KDM3A: variants seen among roughly 807,000 people sequenced by gnomAD.
KDM3A encodes lysine demethylase 3A.
In KDM3A, 60 loss-of-function variants were observed where a neutral mutation model predicts 158.0. The ratio of observed to expected loss-of-function variants is 0.38; its 90% confidence interval spans 0.31 to 0.47. KDM3A has a LOEUF of 0.47. KDM3A is among the 20% of genes least tolerant of loss of function. KDM3A has a pLI of 0.99. For missense variants in KDM3A, 1,319 were observed against 1,574.3 expected, an observed-to-expected ratio of 0.84 and a Z score of 2.74; for synonymous variants, 608 against 549.3, an observed-to-expected ratio of 1.11 and a Z score of -1.49.
chr2:86,442,035 A>T lies in KDM3A; in HGVS notation c.-13A>T. 1 of 1,609,264 alleles carries T rather than the reference A, an allele frequency of 6.2e-7. No individual in the cohort carries two copies. The highest frequency in any genetic ancestry group is 8.5e-7 in the Non-Finnish European group (1 of 1,177,358). On this transcript the variant is annotated 5_prime_UTR_variant, in exon 2 of 26. Transcript: ENST00000312912. ...TTTTGCAGGGAGGAGCTCTTCCTGC[A>T]GGCGTGGAAACCATGGTGCTCACGC...
upstream of KDM3A, chr2:86,441,281 G>C (rs1464138756): frequency 3.3e-5 from 5 of 152,228 alleles, no homozygotes; most frequent in African/African-American, 1.2e-4. Flanking sequence ...GCCTCGCCCA[G>C]CTCCTGTGTT....
chr2:86,444,672 G>A (rs915422938), intron 2 of KDM3A, among the ~76,000 whole-genome samples: 7 of 151,474 alleles, frequency 4.6e-5, no homozygotes, highest in African/African-American at 1.5e-4. Flanking sequence ...GGGGTGGGGC[G>A]AGGGGCTGAG....
rs1407206586 is a variant in KDM3A, at chr2:86,456,880, A to G, written c.754+3A>G. The G allele has an allele frequency of 2.5e-6, 4 of 1,605,708 alleles. No homozygotes were observed. The highest frequency in any genetic ancestry group is 1.6e-4 in the Middle Eastern group (1 of 6,066). On this transcript the variant is annotated splice_donor_region_variant and intron_variant, in intron 7 of 25. Coordinates refer to ENST00000312912, the MANE Select transcript of KDM3A (RefSeq NM_018433.6). ...ACACGATAACCTTGTGACATGTGGTAAGATATGTTATTAAAATCTTTCTTC... is the reference window on the plus strand; with the variant it reads ...ACACGATAACCTTGTGACATGTGGTGAGATATGTTATTAAAATCTTTCTTC...
At position 86,492,151 on chromosome 2, in the gene KDM3A, A is replaced by AGCT. The variant is rs1357554703; in HGVS notation, c.*34_*36dup. The AGCT allele has an allele frequency of 6.6e-7, 1 of 1,512,510 alleles. No individual in the cohort carries two copies. Among genetic ancestry groups the AGCT allele is most frequent in the African/African-American group, 1.4e-5 (1 of 72,908 alleles). The allele number at this position is 1,512,510 out of a possible 1,614,324, so 93.7% of individuals were successfully genotyped here. Reference sequence around the variant, plus strand: ...TGCACATTGGAAATGAATTACAGGCAGCTGTTCAAACTCTTCAGGCAGGAT... The same window carrying AGCT: ...TGCACATTGGAAATGAATTACAGGCAGCTGCTGTTCAAACTCTTCAGGCAGGAT... On this transcript the variant is annotated 3_prime_UTR_variant, in exon 26 of 26. Coordinates refer to ENST00000312912, the MANE Select transcript of KDM3A (RefSeq NM_018433.6).
chr2:86,441,805 G>A (rs1187943771), intron 1 of KDM3A, among the ~76,000 whole-genome samples: 1 of 150,398 alleles, frequency 6.6e-6, no homozygotes, highest in African/African-American at 2.4e-5. Context: ...AGCCAAACTT[G>A]GGAGAGCGAG....
At chr2:86,443,757 C>T (rs1682840736) in intron 2 of KDM3A, among the ~76,000 whole-genome samples, 1 of 152,172 alleles carries the variant, frequency 6.6e-6, no homozygotes, top group Non-Finnish European at 1.5e-5. Context: ...TTTTTTCCTG[C>T]ATTCGGCTCA....
At chr2:86,451,981 T>C (rs1341907761) in intron 4 of KDM3A, among the ~76,000 whole-genome samples, 1 of 152,256 alleles carries the variant, frequency 6.6e-6, no homozygotes, top group Non-Finnish European at 1.5e-5. Flanking sequence ...TTTGTGAATT[T>C]ACCTATTTGC....
At chr2:86,447,994 A>G (rs1266107821) in intron 2 of KDM3A, among the ~76,000 whole-genome samples, 1 of 152,244 alleles carries the variant, frequency 6.6e-6, no homozygotes, top group African/African-American at 2.4e-5. Flanking sequence ...GGAAACAGAA[A>G]GGAAGATGGG....
chr2:86,438,671 A>G (rs1682531998), upstream of KDM3A, among the ~76,000 whole-genome samples: 1 of 152,086 alleles, frequency 6.6e-6, no homozygotes, highest in Admixed American at 6.5e-5. Flanking sequence ...GTGTATTTAT[A>G]AAAAATTAGA....
intron 11 of KDM3A, 34 bp from the exon 12 acceptor site, chr2:86,474,742 T>TGTAAA: frequency 3.7e-6 from 4 of 1,083,116 alleles, no homozygotes; most frequent in Non-Finnish European, 5.7e-6. Context: ...TGTGTGTGTG[T>TGTAAA]ACATTACATC....
At chr2:86,488,705 T>G (rs1033030166) in intron 21 of KDM3A, 1 of 152,686 alleles carries the variant, frequency 6.5e-6, no homozygotes, top group Non-Finnish European at 1.5e-5. Flanking sequence ...AGAGTCCTGG[T>G]GTTACAATGG....
rs776006202 is a variant in KDM3A at position 86,442,189 on chromosome 2, A to G, written c.142A>G (p.Ile48Val). ...CGAGTGGCCCTGGCTCTCCGGGACC[A>G]TTCGAGCTGTTTCCCACACCGACGT... is the stretch of plus-strand genomic sequence containing the variant. The part of the protein sequence containing the change: ...VAEWPWLSGT[I>V]RAVSHTDVTK... Residue 48 changes from isoleucine to valine, a missense_variant, in exon 2 of 26, where the codon ATT becomes GTT. Around this residue, in one of 4 missense-constraint regions of KDM3A, gnomAD observed 652 missense variants for 627.2 expected, o/e 1.04. Transcript: ENST00000312912. 25 of 1,613,376 alleles carry G rather than the reference A, an allele frequency of 1.5e-5. No homozygotes were observed. The highest frequency in any genetic ancestry group is 1.9e-5 in the Non-Finnish European group (22 of 1,179,634).
At chr2:86,438,632 A>T (rs911452016), upstream of KDM3A, among the ~76,000 whole-genome samples, 2 of 152,088 alleles carry the variant, frequency 1.3e-5, no homozygotes, top group African/African-American at 2.4e-5. Flanking sequence ...AATTAAAAAT[A>T]AGGTGATAAA....
chr2:86,456,577 C>T lies in KDM3A; in HGVS notation c.681+11C>T, dbSNP rs758334478. ...GTCAACTGTGAGGAGGTAAAGACAA[C>T]AATAACTCTTTGTAAGATAACTCGA... On this transcript the variant is annotated intron_variant, in intron 6 of 25. Transcript: ENST00000312912. 1 of 1,599,482 alleles carries T rather than the reference C, an allele frequency of 6.3e-7. No individual in the cohort carries two copies. The highest frequency in any genetic ancestry group is 2.2e-5 in the East Asian group (1 of 44,724).
At chr2:86,474,536 G>A (rs1020116263) in intron 11 of KDM3A, among the ~76,000 whole-genome samples, 1 of 151,836 alleles carries the variant, frequency 6.6e-6, no homozygotes, top group Non-Finnish European at 1.5e-5. Context: ...GGTGGCAGGC[G>A]CCTGTAATCC....
At chr2:86,459,344 T>G (rs1672832577) in intron 8 of KDM3A, among the ~76,000 whole-genome samples, 1 of 152,198 alleles carries the variant, frequency 6.6e-6, no homozygotes, top group South Asian at 2.1e-4. Flanking sequence ...AATAATAATT[T>G]CTTTATGTCA....
chr2:86,437,958 C>T (rs1228149377), upstream of KDM3A, among the ~76,000 whole-genome samples: 2 of 151,994 alleles, frequency 1.3e-5, no homozygotes, highest in African/African-American at 4.8e-5. Context: ...CCAATGTTTA[C>T]ATTGTATTAT....
intron 14 of KDM3A, 33 bp downstream of exon 14, chr2:86,478,298 C>T: frequency 6.7e-7 from 1 of 1,501,384 alleles, no homozygotes; most frequent in Non-Finnish European, 9.3e-7. Context: ...TTTCTTTCCC[C>T]TTGTCTTGGT....
chr2:86,455,021 G>T, intron 4 of KDM3A, 64 bp from the exon 5 acceptor site: 1 of 953,518 alleles, frequency 1.0e-6, no homozygotes, highest in Non-Finnish European at 1.6e-6. Flanking sequence ...ATAGCCCACT[G>T]GAATTTAAAT....
Sources: allele counts gnomAD v4.1 joint callset (sites outside exome capture counted in the v4.1 genomes callset), GRCh38; gene constraint gnomAD v4.1.1; regional missense constraint gnomAD v4.1.1; transcripts MANE v1.5; gene names NCBI Gene and HGNC (gene_info 2026-07-23, HGNC 2026-07-21).